Variants in BNC2 observed in about 807,000 individuals in gnomAD.
The protein encoded by BNC2 is basonuclin zinc finger protein 2.
BNC2 carries 20 observed loss-of-function variants against 76.3 expected under a neutral mutation model. The observed-to-expected ratio is 0.26, with a 90% CI of 0.18 to 0.38. The LOEUF is 0.38. BNC2 is among the 10% of genes least tolerant of loss of function. The pLI is 1.00. For missense variants in BNC2, 1,382 were observed against 1,399.8 expected, an observed-to-expected ratio of 0.99 and a Z score of 0.20; for synonymous variants, 582 against 514.8, an observed-to-expected ratio of 1.13 and a Z score of -1.77.
intron 1 of BNC2, among the ~76,000 whole-genome samples, chr9:16,809,334 A>T (rs1200415042): frequency 6.6e-6 from 1 of 152,116 alleles, no homozygotes; most frequent in Non-Finnish European, 1.5e-5. Context: ...AGAGATTTGA[A>T]AACATCAGAA....
intron 3 of BNC2, among the ~76,000 whole-genome samples, chr9:16,710,416 C>T (rs1823802636): frequency 6.6e-6 from 1 of 152,124 alleles, no homozygotes; most frequent in African/African-American, 2.4e-5. Context: ...CTAAAATATC[C>T]AAAACAGTGT....
At chr9:16,733,297 T>C (rs2135059474) in intron 2 of BNC2, among the ~76,000 whole-genome samples, 1 of 152,326 alleles carries the variant, frequency 6.6e-6, no homozygotes, top group Admixed American at 6.5e-5. Flanking sequence ...AGGAAAGAAG[T>C]TGACAGCAAG....
In BNC2 at chr9:16,463,200, G is replaced by C. The variant is rs117346089; in HGVS notation, c.670-25676C>G. 2.2e-3 allele frequency among the ~76,000 whole-genome samples: 340 copies of C among 152,018 alleles called. 4 individuals are homozygous for C. In the East Asian group the frequency reaches 0.045, roughly 20 times the overall value. On this transcript the variant is annotated intron_variant, in intron 5 of 6. Coordinates refer to ENST00000380672, the MANE Select transcript of BNC2 (RefSeq NM_017637.6). ...AGTTAACTTTCAGGAGATTGAATGAGAGTGAATGACAGCACGTTCTGACAA... is the reference window on the plus strand; with the variant it reads ...AGTTAACTTTCAGGAGATTGAATGACAGTGAATGACAGCACGTTCTGACAA...
chr9:16,770,053 G>C (rs543994248), intron 1 of BNC2, among the ~76,000 whole-genome samples: 1 of 152,298 alleles, frequency 6.6e-6, no homozygotes, highest in South Asian at 2.1e-4. Context: ...CAAAATGAAT[G>C]TAAGGCCCAG....
intron 3 of BNC2, among the ~76,000 whole-genome samples, chr9:16,593,831 A>T (rs1270993738): frequency 1.3e-5 from 2 of 152,016 alleles, no homozygotes; most frequent in Admixed American, 1.3e-4. Context: ...AAAAAGAAAA[A>T]CACACATTTT....
chr9:16,810,872 T>G (rs1818030742), intron 1 of BNC2, among the ~76,000 whole-genome samples: 1 of 152,140 alleles, frequency 6.6e-6, no homozygotes. Context: ...AACTCTGAGC[T>G]GTCATATGAA....
intron 5 of BNC2, among the ~76,000 whole-genome samples, chr9:16,455,439 G>C (rs1350175120): frequency 6.6e-6 from 1 of 152,178 alleles, no homozygotes; most frequent in African/African-American, 2.4e-5. Flanking sequence ...AGAGTGGGGG[G>C]AGTAGGGGAA....
intron 3 of BNC2, among the ~76,000 whole-genome samples, chr9:16,604,373 A>C (rs950772539): frequency 1.3e-5 from 2 of 152,256 alleles, no homozygotes; most frequent in African/African-American, 4.8e-5. Context: ...GCATGACATA[A>C]TTTAAATGCA....
At chr9:16,550,669 G>C (rs913433997) in intron 5 of BNC2, among the ~76,000 whole-genome samples, 1 of 152,180 alleles carries the variant, frequency 6.6e-6, no homozygotes, top group Non-Finnish European at 1.5e-5. Flanking sequence ...GTGTCTCTGC[G>C]TAGGTATACA....
intron 1 of BNC2, among the ~76,000 whole-genome samples, chr9:16,741,957 C>CA (rs35573018): frequency 0.37 from 29,193 of 79,522 alleles, 6,700 homozygotes; most frequent in East Asian, 0.79. Context: ...GGCTCCATCT[C>CA]AAAAAAAAAA....
At chr9:16,532,366 A>C (rs1818008407) in intron 5 of BNC2, among the ~76,000 whole-genome samples, 1 of 152,170 alleles carries the variant, frequency 6.6e-6, no homozygotes, top group Non-Finnish European at 1.5e-5. Flanking sequence ...ATAAATACCA[A>C]AATTTATGGG....
At chr9:16,788,389 C>T (rs549422804) in intron 1 of BNC2, among the ~76,000 whole-genome samples, 209 of 151,624 alleles carry the variant, frequency 1.4e-3, no homozygotes, top group Middle Eastern at 6.8e-3. Flanking sequence ...CCGTCTCTAC[C>T]AAAAATACAA....
intron 1 of BNC2, among the ~76,000 whole-genome samples, chr9:16,766,143 A>G (rs1825687569): frequency 6.6e-6 from 1 of 152,176 alleles, no homozygotes. Context: ...GATGTAAACG[A>G]TATCACTTTT....
intron 3 of BNC2, among the ~76,000 whole-genome samples, chr9:16,691,253 G>C (rs1277197397): frequency 6.6e-6 from 1 of 152,048 alleles, no homozygotes; most frequent in Non-Finnish European, 1.5e-5. Flanking sequence ...AATTTCCATT[G>C]TACTCCTTTT....
intron 3 of BNC2, among the ~76,000 whole-genome samples, chr9:16,585,002 G>C (rs190503413): frequency 1.3e-5 from 2 of 152,122 alleles, no homozygotes; most frequent in Admixed American, 6.5e-5. Flanking sequence ...GAAATCAAGG[G>C]AGGGCCAATA....
chr9:16,485,111 G>GACACACACACACACAC (rs58432278), intron 5 of BNC2, among the ~76,000 whole-genome samples: 1 of 143,560 alleles, frequency 7.0e-6, no homozygotes, highest in African/African-American at 2.5e-5. Context: ...GACACACACA[G>GACACACACACACACAC]ACACACACAC....
intron 5 of BNC2, among the ~76,000 whole-genome samples, chr9:16,541,038 C>A (rs1412333039): frequency 1.3e-5 from 2 of 152,198 alleles, no homozygotes; most frequent in Non-Finnish European, 2.9e-5. Context: ...TCTTCTGCAG[C>A]AGGCATAGTA....
rs961275209 is a variant in BNC2, at chr9:16,414,032, G to A, written c.*4957C>T. 2.0e-5 allele frequency: 3 copies of A among 152,062 alleles called. No homozygotes were observed. Among genetic ancestry groups the A allele is most frequent in the African/African-American group, 4.8e-5 (2 of 41,382 alleles). 9.4% of individuals were successfully genotyped at this position (152,062 alleles called of 1,614,324 possible). A position where few individuals can be genotyped will look rare whatever the true frequency, so the allele number is the denominator to read the frequency against. Reference sequence around the variant, plus strand: ...ACCCCTGGCATCTTTCGGTTCTCAGGGGATTCCAGCAACACTTCCCACTCA... The same window carrying A: ...ACCCCTGGCATCTTTCGGTTCTCAGAGGATTCCAGCAACACTTCCCACTCA... On this transcript the variant is annotated 3_prime_UTR_variant, in exon 7 of 7. Coordinates refer to ENST00000380672, the MANE Select transcript of BNC2 (RefSeq NM_017637.6).
intron 3 of BNC2, among the ~76,000 whole-genome samples, chr9:16,607,638 T>C (rs1028782415): frequency 6.6e-5 from 10 of 152,342 alleles, no homozygotes; most frequent in African/African-American, 1.2e-4. Context: ...TACTTGAACA[T>C]AGCATAGTGT....
Sources: gnomAD v4.1 joint callset for allele counts (sites outside exome capture counted in the v4.1 genomes callset) on GRCh38, gnomAD v4.1.1 for gene constraint, MANE v1.5 for transcripts, NCBI Gene and HGNC (gene_info 2026-07-23, HGNC 2026-07-21) for gene names.